POU2F1: variants seen among roughly 807,000 people sequenced by gnomAD.
POU2F1 encodes POU domain, class 2, transcription factor 1.
Under a neutral mutation model 84.9 loss-of-function variants are expected in POU2F1, and 16 were observed. That is an observed-to-expected ratio of 0.19 (90% CI 0.13 to 0.29). POU2F1 has a LOEUF of 0.29. Ranked by LOEUF, POU2F1 falls within the 10% of genes least tolerant of loss-of-function variation. The pLI is 1.00. For synonymous variants in POU2F1, 368 were observed against 368.3 expected (o/e 1.00, Z 0.01); for missense variants, 738 against 942.6 (o/e 0.78, Z 2.84).
chr1:167,367,708 A>G (rs1659769964), intron 3 of POU2F1, among the ~76,000 whole-genome samples: 1 of 152,086 alleles, frequency 6.6e-6, no homozygotes, highest in Admixed American at 6.6e-5. Context: ...TTTGCTTTAT[A>G]CCATATGTGT....
Position 167,426,985 on chromosome 1 carries a change from T to C in POU2F1, c.*11175T>C, listed in dbSNP as rs1650996054. ...CTGATAACTTGCGTGCTGGACCTTGTTATCTGTGCCCCTGGGAGACACACG... is the reference window on the plus strand; with the variant it reads ...CTGATAACTTGCGTGCTGGACCTTGCTATCTGTGCCCCTGGGAGACACACG... On this transcript the variant is annotated 3_prime_UTR_variant, in exon 16 of 16. Coordinates refer to ENST00000367866, the MANE Select transcript of POU2F1 (RefSeq NM_002697.4). 1 of 152,240 alleles carries C rather than the reference T, an allele frequency of 6.6e-6. No homozygotes were observed. The highest frequency in any genetic ancestry group is 1.5e-5 in the Non-Finnish European group (1 of 68,050). 9.4% of individuals were successfully genotyped at this position (152,240 alleles called of 1,614,324 possible).
intron 1 of POU2F1, among the ~76,000 whole-genome samples, chr1:167,227,006 C>T (rs1056177731): frequency 6.6e-6 from 1 of 151,982 alleles, no homozygotes; most frequent in African/African-American, 2.4e-5. Context: ...CTAGGCTAGT[C>T]TAAAACTCCT....
chr1:167,413,186 TGTG>T, intron 15 of POU2F1, 72 bp downstream of exon 15: 1 of 973,660 alleles, frequency 1.0e-6, no homozygotes, highest in Non-Finnish European at 1.5e-6. Context: ...TGTGTGTGTG[TGTG>T]CTTGAGACAG....
At chr1:167,328,322 C>T (rs1034293199) in intron 1 of POU2F1, among the ~76,000 whole-genome samples, 1 of 152,144 alleles carries the variant, frequency 6.6e-6, no homozygotes, top group Non-Finnish European at 1.5e-5. Context: ...ACTTTATACA[C>T]CTTGCACTGC....
At chr1:167,351,968 C>A (rs1317897782) in intron 2 of POU2F1, among the ~76,000 whole-genome samples, 1 of 152,120 alleles carries the variant, frequency 6.6e-6, no homozygotes, top group African/African-American at 2.4e-5. Context: ...AGAGGACTGT[C>A]CTCCCACCGC....
intron 4 of POU2F1, among the ~76,000 whole-genome samples, chr1:167,371,640 G>C (rs1660004145): frequency 6.6e-6 from 1 of 152,142 alleles, no homozygotes. Context: ...CCTATTTCTA[G>C]AGTTGAGGAA....
At chr1:167,316,636 T>A (rs150342701) in intron 1 of POU2F1, among the ~76,000 whole-genome samples, 25 of 152,376 alleles carry the variant, frequency 1.6e-4, no homozygotes, top group Non-Finnish European at 1.0e-4. Context: ...TCTTTAGATT[T>A]TATATCTGAT....
intron 13 of POU2F1, among the ~76,000 whole-genome samples, chr1:167,407,205 T>A (rs1056800789): frequency 6.6e-6 from 1 of 151,854 alleles, no homozygotes; most frequent in Admixed American, 6.6e-5. Context: ...AATATTTGTA[T>A]TTTTTGTAGA....
intron 13 of POU2F1, among the ~76,000 whole-genome samples, chr1:167,407,738 G>A (rs984031530): frequency 3.9e-5 from 6 of 152,134 alleles, no homozygotes; most frequent in Non-Finnish European, 7.4e-5. Context: ...ACCTTACACC[G>A]TGCATAAAAA....
rs1650345484 is a variant in POU2F1 at position 167,416,814 on chromosome 1, T to C, written c.*1004T>C. The C allele has an allele frequency of 6.6e-6, 1 of 152,264 alleles. No individual in the cohort carries two copies. Among genetic ancestry groups the C allele is most frequent in the Non-Finnish European group, 1.5e-5 (1 of 68,092 alleles). The allele number at this position is 152,264 out of a possible 1,614,324, so 9.4% of individuals were successfully genotyped here. ...GCAACAGTGCTGCTTTCTGCTACTT[T>C]CAATGGGAACAGCTGTACATGTTGC... On this transcript the variant is annotated 3_prime_UTR_variant, in exon 16 of 16. Coordinates refer to ENST00000367866, the MANE Select transcript of POU2F1 (RefSeq NM_002697.4).
intron 1 of POU2F1, among the ~76,000 whole-genome samples, chr1:167,306,769 A>G (rs1311230222): frequency 1.3e-5 from 2 of 152,074 alleles, no homozygotes; most frequent in Admixed American, 6.5e-5. Flanking sequence ...TCTTTGTTCA[A>G]ATTTCCCCTT....
chr1:167,280,141 C>T (rs1021380181), intron 1 of POU2F1, among the ~76,000 whole-genome samples: 2 of 149,084 alleles, frequency 1.3e-5, no homozygotes, highest in Non-Finnish European at 3.0e-5. Flanking sequence ...TTGCAGTGAG[C>T]TGAGATTGTG....
At chr1:167,303,866 A>G (rs1331599636) in intron 1 of POU2F1, among the ~76,000 whole-genome samples, 1 of 152,262 alleles carries the variant, frequency 6.6e-6, no homozygotes, top group East Asian at 1.9e-4. Flanking sequence ...TAGGGTATAT[A>G]AATATATTTT....
rs1478492097 is a variant in POU2F1, at chr1:167,425,609, T to G, written c.*9799T>G. 1 of 152,348 alleles carries G rather than the reference T, an allele frequency of 6.6e-6. No homozygotes were observed. The highest frequency in any genetic ancestry group is 1.5e-5 in the Non-Finnish European group (1 of 68,170). 9.4% of individuals were successfully genotyped at this position (152,348 alleles called of 1,614,324 possible). ...CACCAACCAGGGTCACTATGGGGACTTAGCACAGGGCCTAGGGAGGGTGGG... is the reference window on the plus strand; with the variant it reads ...CACCAACCAGGGTCACTATGGGGACGTAGCACAGGGCCTAGGGAGGGTGGG... On this transcript the variant is annotated 3_prime_UTR_variant, in exon 16 of 16. Transcript: ENST00000367866.
chr1:167,273,279 A>G (rs1488270842), intron 1 of POU2F1, among the ~76,000 whole-genome samples: 5 of 152,166 alleles, frequency 3.3e-5, no homozygotes, highest in Non-Finnish European at 5.9e-5. Flanking sequence ...TTCCAGGTAC[A>G]CAGAACAAGC....
At chr1:167,369,288 G>T (rs1189535135) in intron 3 of POU2F1, among the ~76,000 whole-genome samples, 2 of 152,134 alleles carry the variant, frequency 1.3e-5, no homozygotes, top group African/African-American at 4.8e-5. Context: ...TTAGCAGAAG[G>T]CCTGTGTCTC....
In POU2F1 at chr1:167,365,476, C is replaced by T; in HGVS notation, c.137C>T (p.Thr46Ile). 1 of 1,588,914 alleles carries T rather than the reference C, an allele frequency of 6.3e-7. No homozygotes were observed. Among genetic ancestry groups the T allele is most frequent in the Non-Finnish European group, 8.6e-7 (1 of 1,169,278 alleles). ...ESGDGNTGTQ[T>I]NGLDFQKQPV... ...TTTGCTTGCTTTCTAGGCACACAAA[C>T]CAATGGTCTGGACTTTCAGAAGCAG... The change falls in exon 3 of 16, where the codon ACC becomes ATC. Residue 46 changes from threonine to isoleucine, a missense_variant. This residue lies in a region of POU2F1 where 161 missense variants were observed against 147.0 expected (regional missense o/e 1.10). Coordinates refer to ENST00000367866, the MANE Select transcript of POU2F1 (RefSeq NM_002697.4).
At chr1:167,398,372 AC>A (rs1648959058) in intron 11 of POU2F1, among the ~76,000 whole-genome samples, 1 of 152,176 alleles carries the variant, frequency 6.6e-6, no homozygotes. Flanking sequence ...GTGGCAGCTT[AC>A]CATAGGATAC....
In POU2F1 at chr1:167,383,904, C is replaced by A. The variant is rs570935397; in HGVS notation, c.766C>A (p.Gln256Lys). ...NLLTQLPQQS[Q>K]ANLLQSQPSI... ...TCTAACGCAACTACCTCAGCAAAGC[C>A]AAGCCAACCTCCTACAGTCGCAGCC... The change falls in exon 8 of 16, where the codon CAA (glutamine) becomes AAA (lysine). Residue 256 changes from glutamine (Q) to lysine (K), a missense_variant. Physicochemically the swap from Gln to Lys is moderately conservative, Grantham distance 53. This residue lies in a region of POU2F1 where 163 missense variants were observed against 214.4 expected (regional missense o/e 0.76). Coordinates refer to ENST00000367866, the MANE Select transcript of POU2F1 (RefSeq NM_002697.4). 1.9e-6 allele frequency: 3 copies of A among 1,613,942 alleles called. No individual in the cohort carries two copies. The highest frequency in any genetic ancestry group is 2.2e-5 in the East Asian group (1 of 44,868).
Sources: allele counts gnomAD v4.1 joint callset (sites outside exome capture counted in the v4.1 genomes callset), GRCh38; gene constraint gnomAD v4.1.1; regional missense constraint gnomAD v4.1.1; transcripts MANE v1.5; gene names NCBI Gene and HGNC (gene_info 2026-07-23, HGNC 2026-07-21).